The following LARP4B variants were observed in gnomAD, a reference collection of about 807,000 sequenced individuals.
LARP4B encodes the protein La ribonucleoprotein 4B.
In LARP4B, 12 loss-of-function variants were observed where a neutral mutation model predicts 89.8. The observed-to-expected ratio is 0.13, with a 90% CI of 0.09 to 0.22. The LOEUF (loss-of-function observed/expected upper bound fraction) is 0.22. Ranked by LOEUF, LARP4B falls within the 10% of genes least tolerant of loss-of-function variation. LARP4B has a pLI of 1.00. For missense variants in LARP4B, 757 were observed against 947.7 expected (o/e 0.80, Z 2.64); for synonymous variants, 367 against 363.3 (o/e 1.01, Z -0.12).
intron 5 of LARP4B, among the ~76,000 whole-genome samples, chr10:850,624 T>G (rs190264238): frequency 6.6e-6 from 1 of 152,198 alleles, no homozygotes; most frequent in East Asian, 1.9e-4. Context: ...CTTGACCTCA[T>G]TAACACTGAC....
chr10:916,907 A>G (rs1836836565), intron 1 of LARP4B, among the ~76,000 whole-genome samples: 1 of 152,140 alleles, frequency 6.6e-6, no homozygotes, highest in African/African-American at 2.4e-5. Context: ...TATGTTGGCC[A>G]GGCTGGTCTT....
chr10:871,864 A>G (rs1054622511), intron 3 of LARP4B, among the ~76,000 whole-genome samples: 3 of 152,104 alleles, frequency 2.0e-5, no homozygotes, highest in African/African-American at 7.2e-5. Context: ...TGATAGAGTT[A>G]TTTTCTCTCT....
chr10:888,979 G>A lies in LARP4B; in HGVS notation c.-39-3219C>T, dbSNP rs56370947. Reference sequence around the variant, plus strand: ...ACGTGCCTGTAGTCCCAGCTCCTTCGGAGGCTGGGATAGGAGGACCACCTG... The same window carrying A: ...ACGTGCCTGTAGTCCCAGCTCCTTCAGAGGCTGGGATAGGAGGACCACCTG... On this transcript the variant is annotated intron_variant, in intron 1 of 17. Transcript: ENST00000316157. Among the ~76,000 whole-genome samples the A allele has an allele frequency of 3.2e-3, 494 of 152,208 alleles. 5 individuals carry two copies. Among genetic ancestry groups the A allele is most frequent in the African/African-American group, 0.011 (475 of 41,528 alleles).
chr10:920,697 A>G (rs1836954613), intron 1 of LARP4B, among the ~76,000 whole-genome samples: 1 of 152,158 alleles, frequency 6.6e-6, no homozygotes, highest in African/African-American at 2.4e-5. Context: ...ACTTGAACCC[A>G]GGAGGTGATG....
the LARP4B span, among the ~76,000 whole-genome samples, chr10:979,461 T>C: frequency 6.6e-6 from 1 of 152,318 alleles, no homozygotes; most frequent in African/African-American, 2.4e-5. Flanking sequence ...TTAATTTCTC[T>C]CACTCCCTTT....
At chr10:941,749 T>C in the LARP4B span, among the ~76,000 whole-genome samples, 7 of 152,182 alleles carry the variant, frequency 4.6e-5, no homozygotes, top group Non-Finnish European at 8.8e-5. Flanking sequence ...TTTTATTTTT[T>C]ATTTTTTGTC....
intron 1 of LARP4B, among the ~76,000 whole-genome samples, chr10:889,495 A>T (rs1300630020): frequency 6.6e-6 from 1 of 152,252 alleles, no homozygotes; most frequent in Non-Finnish European, 1.5e-5. Context: ...GCAGACATGG[A>T]GAGAACGTGC....
the LARP4B span, among the ~76,000 whole-genome samples, chr10:965,981 CGTT>C: frequency 1.3e-5 from 2 of 151,728 alleles, no homozygotes; most frequent in East Asian, 1.9e-4. Context: ...TGGAGCATAA[CGTT>C]GTTTGAAAAA....
the LARP4B span, among the ~76,000 whole-genome samples, chr10:982,125 T>G: frequency 2.7e-5 from 4 of 148,798 alleles, no homozygotes; most frequent in Non-Finnish European, 6.0e-5. Flanking sequence ...TCTTTTTTTT[T>G]TTTTTTTTGA....
At chr10:973,497 A>G in the LARP4B span, among the ~76,000 whole-genome samples, 1 of 151,458 alleles carries the variant, frequency 6.6e-6, no homozygotes, top group Non-Finnish European at 1.5e-5. Context: ...GACTACAGGC[A>G]CCCTCCACCA....
chr10:911,197 T>C (rs1836655365), intron 1 of LARP4B, among the ~76,000 whole-genome samples: 1 of 152,134 alleles, frequency 6.6e-6, no homozygotes, highest in African/African-American at 2.4e-5. Context: ...GTGTACCTAA[T>C]TGGGGGAAAA....
chr10:867,862 G>GAAAAAAAA, intron 3 of LARP4B, among the ~76,000 whole-genome samples: 1 of 43,354 alleles, frequency 2.3e-5, no homozygotes, highest in African/African-American at 9.1e-5. Flanking sequence ...CTCCATCCTT[G>GAAAAAAAA]AAAAAAAAAA....
intron 5 of LARP4B, among the ~76,000 whole-genome samples, chr10:846,393 GC>G (rs534222408): frequency 2.6e-5 from 4 of 152,176 alleles, no homozygotes; most frequent in Non-Finnish European, 5.9e-5. Flanking sequence ...AAGGCCTGGT[GC>G]CATCCAGACA....
chr10:809,749 C>A lies in LARP4B; in HGVS notation c.*3177G>T, dbSNP rs977830400. 2.0e-5 allele frequency: 3 copies of A among 152,664 alleles called. No homozygotes were observed. Among genetic ancestry groups the A allele is most frequent in the Admixed American group, 2.0e-4 (3 of 15,288 alleles). 9.5% of individuals were successfully genotyped at this position (152,664 alleles called of 1,614,324 possible). On this transcript the variant is annotated 3_prime_UTR_variant, in exon 18 of 18. Transcript: ENST00000316157. ...GTGAGCTGCTGGCGGCCAGCGCCCT[C>A]GCCTCGATTGTCTGCAGCCCTGTAG...
At chr10:959,736 G>A in the LARP4B span, among the ~76,000 whole-genome samples, 1 of 60,962 alleles carries the variant, frequency 1.6e-5, no homozygotes, top group Non-Finnish European at 3.1e-5. Flanking sequence ...CCACCTCCCC[G>A]TCAATCCACC....
the LARP4B span, among the ~76,000 whole-genome samples, chr10:950,921 A>G: frequency 6.6e-6 from 1 of 151,714 alleles, no homozygotes; most frequent in Non-Finnish European, 1.5e-5. Context: ...TCTGTGGACA[A>G]TCATGTCATC....
At chr10:942,325 G>A in the LARP4B span, 9 of 152,242 alleles carry the variant, frequency 5.9e-5, no homozygotes, top group Non-Finnish European at 5.9e-5. Flanking sequence ...CTGCCTGATT[G>A]CGTGACCTTC....
At chr10:838,035 G>A (rs927697873) in intron 7 of LARP4B, among the ~76,000 whole-genome samples, 2 of 152,040 alleles carry the variant, frequency 1.3e-5, no homozygotes, top group Non-Finnish European at 2.9e-5. Flanking sequence ...CAATGTGACC[G>A]TGGAGCAAAG....
chr10:894,581 T>C (rs958240868), intron 1 of LARP4B, among the ~76,000 whole-genome samples: 4 of 152,106 alleles, frequency 2.6e-5, no homozygotes, highest in Non-Finnish European at 4.4e-5. Flanking sequence ...CTTTTTGACA[T>C]AGAAAAACTT....
Sources: gnomAD v4.1 joint callset for allele counts (sites outside exome capture counted in the v4.1 genomes callset) on GRCh38, gnomAD v4.1.1 for gene constraint, MANE v1.5 for transcripts, NCBI Gene and HGNC (gene_info 2026-07-23, HGNC 2026-07-21) for gene names.